RELL1: variants seen among roughly 807,000 people sequenced by gnomAD.
RELL1 encodes RELT-like protein 1.
In RELL1, 10 loss-of-function variants were observed where a neutral mutation model predicts 23.0. The observed-to-expected ratio is 0.43, with a 90% CI of 0.27 to 0.74. The LOEUF is 0.74. RELL1 is among the 30% of genes least tolerant of loss of function. RELL1 has a pLI of 0.19. For synonymous variants in RELL1, 146 were observed against 146.8 expected (o/e 0.99, Z 0.04); for missense variants, 315 against 364.4 (o/e 0.86, Z 1.10).
chr4:37,634,841 A>C (rs754166393), intron 5 of RELL1, 46 bp downstream of exon 5: 3 of 1,493,934 alleles, frequency 2.0e-6, no homozygotes, highest in Non-Finnish European at 2.8e-6. Flanking sequence ...CACACACCAG[A>C]GCACCCATGT....
intron 1 of RELL1, among the ~76,000 whole-genome samples, chr4:37,655,257 AT>A (rs1721081057): frequency 2.6e-5 from 4 of 152,130 alleles, no homozygotes; most frequent in Admixed American, 6.5e-5. Flanking sequence ...ATATATATAT[AT>A]ATAAAAAGCA....
rs577135518 is a variant in RELL1, at chr4:37,668,845, G to C, written c.88+17355C>G. Among the ~76,000 whole-genome samples the C allele has an allele frequency of 1.1e-4, 16 of 149,196 alleles. No homozygotes were observed. The East Asian group carries it at 2.7e-3, about 26-fold the overall frequency. ...TCCCCGGCCGCCCATCGTCTGAGAT[G>C]TGGGGAGCGCCTCTGCCCTGTCGCC... On this transcript the variant is annotated intron_variant, in intron 1 of 6. Coordinates refer to ENST00000454158, the MANE Select transcript of RELL1 (RefSeq NM_001085400.2).
At chr4:37,627,388 C>T (rs886203750) in intron 6 of RELL1, among the ~76,000 whole-genome samples, 2 of 152,170 alleles carry the variant, frequency 1.3e-5, no homozygotes, top group African/African-American at 4.8e-5. Flanking sequence ...ATTTATTTAA[C>T]TTTGAAGAAC....
downstream of RELL1, among the ~76,000 whole-genome samples, chr4:37,610,417 G>A (rs1184592546): frequency 6.6e-6 from 1 of 152,094 alleles, no homozygotes; most frequent in Non-Finnish European, 1.5e-5. The surrounding 1 kb of genome is among the most constrained non-coding windows in gnomAD (Gnocchi z 4.1). Context: ...AGTAGGCCGG[G>A]GCTGAACCCA....
rs1425123754 is a variant in RELL1, at chr4:37,612,067, C to G, written c.*1279G>C. Among the ~76,000 whole-genome samples, 4 of 150,508 alleles carry G rather than the reference C, an allele frequency of 2.7e-5. No homozygotes were observed. The highest frequency in any genetic ancestry group is 4.4e-5 in the Non-Finnish European group (3 of 67,868). ...TGGTGGGCACCTGTAGTCCCAGCTACTCAGGAGGCTGAGGCAGGAGAATGG... is the reference window on the plus strand; with the variant it reads ...TGGTGGGCACCTGTAGTCCCAGCTAGTCAGGAGGCTGAGGCAGGAGAATGG... On this transcript the variant is annotated 3_prime_UTR_variant, in exon 7 of 7. Coordinates refer to ENST00000454158, the MANE Select transcript of RELL1 (RefSeq NM_001085400.2).
intron 6 of RELL1, among the ~76,000 whole-genome samples, chr4:37,624,438 G>GA (rs1491380991): frequency 0.014 from 955 of 70,322 alleles, 9 homozygotes; most frequent in African/African-American, 0.049. Flanking sequence ...TTTTTTTTTT[G>GA]AGGCAGAGTC....
intron 6 of RELL1, among the ~76,000 whole-genome samples, chr4:37,630,680 T>C (rs1350839889): frequency 1.3e-5 from 2 of 152,024 alleles, no homozygotes; most frequent in Non-Finnish European, 2.9e-5. Flanking sequence ...CAGCTGCGTG[T>C]TGTTTTTTTT....
At chr4:37,631,887 C>T (rs983865770) in intron 5 of RELL1, among the ~76,000 whole-genome samples, 3 of 151,752 alleles carry the variant, frequency 2.0e-5, no homozygotes, top group African/African-American at 7.3e-5. Context: ...TGAGACCAGA[C>T]TGGGTGTATG....
At chr4:37,681,476 G>A (rs1722218671) in intron 1 of RELL1, among the ~76,000 whole-genome samples, 1 of 150,940 alleles carries the variant, frequency 6.6e-6, no homozygotes, top group African/African-American at 2.4e-5. Flanking sequence ...AGGAAATGGA[G>A]GTGGACAGAA....
At chr4:37,643,994 T>A (rs1157369088) in intron 3 of RELL1, among the ~76,000 whole-genome samples, 1 of 152,008 alleles carries the variant, frequency 6.6e-6, no homozygotes, top group African/African-American at 2.4e-5. Flanking sequence ...GGTACACAGA[T>A]GAAGGCATGG....
At chr4:37,673,997 A>G (rs1474814977) in intron 1 of RELL1, among the ~76,000 whole-genome samples, 2 of 152,158 alleles carry the variant, frequency 1.3e-5, no homozygotes, top group Non-Finnish European at 2.9e-5. Context: ...TGCTCAGCAC[A>G]CCATTCCATA....
chr4:37,669,040 G>T (rs1258331112), intron 1 of RELL1, among the ~76,000 whole-genome samples: 2 of 128,030 alleles, frequency 1.6e-5, no homozygotes, highest in African/African-American at 7.1e-5. Flanking sequence ...CAGCCGCCCC[G>T]TCCGGGAGGG....
In RELL1 at chr4:37,611,630, T is replaced by C. The variant is rs1215752934; in HGVS notation, c.*1716A>G. Among the ~76,000 whole-genome samples the C allele has an allele frequency of 6.6e-6, 1 of 152,044 alleles. No homozygotes were observed. The highest frequency in any genetic ancestry group is 1.5e-5 in the Non-Finnish European group (1 of 68,040). ...ATGGAGGCGGGTCTTGGAGACCTTG[T>C]AACTGGCCTCCCCCACAGCTCACCC... On this transcript the variant is annotated 3_prime_UTR_variant, in exon 7 of 7. Transcript: ENST00000454158.
chr4:37,651,057 CAAAAA>C (rs370325360), intron 1 of RELL1, among the ~76,000 whole-genome samples: 9 of 120,820 alleles, frequency 7.4e-5, no homozygotes, highest in Admixed American at 1.7e-4. Flanking sequence ...AAGACTGTCT[CAAAAA>C]AAAAAAAAAA....
intron 1 of RELL1, among the ~76,000 whole-genome samples, chr4:37,654,786 C>T (rs1721066871): frequency 6.6e-6 from 1 of 152,040 alleles, no homozygotes; most frequent in Non-Finnish European, 1.5e-5. Flanking sequence ...TGTGAAGATA[C>T]AGGAAAACAC....
At chr4:37,590,317 G>T (rs1218139497), downstream of RELL1, 1 of 1,613,696 alleles carries the variant, frequency 6.2e-7, no homozygotes, top group Non-Finnish European at 8.5e-7. Flanking sequence ...CCCACAGGGG[G>T]ACGCTGGAGG....
At chr4:37,597,815 C>G (rs1016374463) in intron 6 of RELL1, among the ~76,000 whole-genome samples, 2 of 151,934 alleles carry the variant, frequency 1.3e-5, no homozygotes, top group Non-Finnish European at 2.9e-5. Flanking sequence ...CTTTGGGAGG[C>G]CGAGGCAGGC....
At position 37,612,334 on chromosome 4, in the gene RELL1, A is replaced by AAC. The variant is rs1719425113; in HGVS notation, c.*1011_*1012insGT. Among the ~76,000 whole-genome samples the AAC allele has an allele frequency of 1.3e-4, 4 of 30,112 alleles. No homozygotes were observed. Among genetic ancestry groups the AAC allele is most frequent in the Admixed American group, 9.0e-4 (2 of 2,234 alleles). The allele number at this position is 30,112 out of a possible 152,430, so 19.8% of individuals were successfully genotyped here. A position where few individuals can be genotyped will look rare whatever the true frequency, so the allele number is the denominator to read the frequency against. ...CTCAGCTAAAGGTTAAAAAAAAAAAAAAAACAAAAAAAAACAAAAAACCGG... is the reference window on the plus strand; with the variant it reads ...CTCAGCTAAAGGTTAAAAAAAAAAAAACAAAACAAAAAAAAACAAAAAACCGG... On this transcript the variant is annotated 3_prime_UTR_variant, in exon 7 of 7. Coordinates refer to ENST00000454158, the MANE Select transcript of RELL1 (RefSeq NM_001085400.2).
chr4:37,672,344 T>C (rs527702234), intron 1 of RELL1, among the ~76,000 whole-genome samples: 1 of 151,958 alleles, frequency 6.6e-6, no homozygotes, highest in East Asian at 1.9e-4. Flanking sequence ...TCATTATGAG[T>C]AACAAAAAAT....
Sources: gnomAD v4.1 joint callset for allele counts (sites outside exome capture counted in the v4.1 genomes callset) on GRCh38, gnomAD v4.1.1 for gene constraint, Gnocchi (gnomAD v3.1) non-coding constraint, MANE v1.5 for transcripts, NCBI Gene and HGNC (gene_info 2026-07-23, HGNC 2026-07-21) for gene names.